The following ZFPM2 variants were observed in gnomAD, a reference collection of about 807,000 sequenced individuals.
ZFPM2 encodes zinc finger protein, FOG family member 2, also known as zinc finger protein ZFPM2.
A neutral mutation model predicts 98.6 loss-of-function variants in ZFPM2; 20 were observed. The ratio of observed to expected loss-of-function variants is 0.20; its 90% confidence interval spans 0.14 to 0.29. The LOEUF (loss-of-function observed/expected upper bound fraction) is 0.29, where lower values mean the gene tolerates loss of function less well. ZFPM2 is among the 10% of genes least tolerant of loss of function. The pLI, the probability that ZFPM2 is intolerant of heterozygous loss-of-function variation, is 1.00. For synonymous variants in ZFPM2, 518 were observed against 502.7 expected (o/e 1.03, Z -0.41); for missense variants, 1,310 against 1,388.6 (o/e 0.94, Z 0.90).
intron 5 of ZFPM2, among the ~76,000 whole-genome samples, chr8:105,783,642 T>C: frequency 6.6e-6 from 1 of 152,180 alleles, no homozygotes; most frequent in East Asian, 1.9e-4. Context: ...TCATACACTG[T>C]TTGTCTTTTT....
chr8:105,664,360 TGA>T (rs1359571742), intron 5 of ZFPM2, among the ~76,000 whole-genome samples: 2 of 144,450 alleles, frequency 1.4e-5, no homozygotes, highest in Non-Finnish European at 3.1e-5. Context: ...TGTGTGTGTG[TGA>T]CAGAGTTTCG....
intron 4 of ZFPM2, among the ~76,000 whole-genome samples, chr8:105,625,538 C>T (rs570499844): frequency 6.6e-6 from 1 of 151,872 alleles, no homozygotes; most frequent in East Asian, 1.9e-4. Flanking sequence ...TGGTACTTAA[C>T]ATTAACTGGT....
At chr8:105,436,075 G>A (rs1352443593) in intron 2 of ZFPM2, among the ~76,000 whole-genome samples, 2 of 152,084 alleles carry the variant, frequency 1.3e-5, no homozygotes, top group African/African-American at 4.8e-5. Flanking sequence ...TAAAAAGAAC[G>A]AAACTAAAAT....
intron 1 of ZFPM2, among the ~76,000 whole-genome samples, chr8:105,334,323 A>T: frequency 6.6e-6 from 1 of 151,636 alleles, no homozygotes; most frequent in East Asian, 1.9e-4. Context: ...GAATATTTTA[A>T]TATCTCTCTA....
intron 5 of ZFPM2, among the ~76,000 whole-genome samples, chr8:105,696,745 C>T (rs1429978010): frequency 1.3e-5 from 2 of 152,094 alleles, no homozygotes; most frequent in African/African-American, 4.8e-5. Context: ...TTTTGTTTTG[C>T]TGTACTGATA....
At chr8:105,491,367 G>T in intron 3 of ZFPM2, among the ~76,000 whole-genome samples, 1 of 152,002 alleles carries the variant, frequency 6.6e-6, no homozygotes, top group Middle Eastern at 3.2e-3. Context: ...CAGTGTTGTG[G>T]TATTCAATTA....
intron 5 of ZFPM2, among the ~76,000 whole-genome samples, chr8:105,651,514 C>T (rs1817175659): frequency 6.6e-6 from 1 of 151,824 alleles, no homozygotes; most frequent in African/African-American, 2.4e-5. Flanking sequence ...TATATCTACC[C>T]TTGGACATCA....
At chr8:105,623,747 A>AT (rs150555124) in intron 4 of ZFPM2, among the ~76,000 whole-genome samples, 9,991 of 151,384 alleles carry the variant, frequency 0.066, 336 homozygotes, top group Admixed American at 0.096. Flanking sequence ...TGACCACTGT[A>AT]TTTTTTTTTA....
intron 5 of ZFPM2, among the ~76,000 whole-genome samples, chr8:105,728,479 G>A (rs73700139): frequency 0.019 from 2,920 of 151,752 alleles, 106 homozygotes; most frequent in African/African-American, 0.066. Context: ...GAAAAGAGAC[G>A]ATGTTAAAGC....
At chr8:105,724,856 T>C (rs1181190743) in intron 5 of ZFPM2, among the ~76,000 whole-genome samples, 5 of 151,776 alleles carry the variant, frequency 3.3e-5, no homozygotes. Flanking sequence ...TAATTTTTTC[T>C]ATTTCTATGC....
At chr8:105,345,206 T>G (rs1394848003) in intron 1 of ZFPM2, among the ~76,000 whole-genome samples, 4 of 152,222 alleles carry the variant, frequency 2.6e-5, no homozygotes, top group African/African-American at 7.2e-5. Context: ...ATTTTGAGGA[T>G]CTTAACAGAA....
chr8:105,750,576 C>T (rs1812452665), intron 5 of ZFPM2, among the ~76,000 whole-genome samples: 2 of 151,944 alleles, frequency 1.3e-5, no homozygotes, highest in Non-Finnish European at 2.9e-5. Flanking sequence ...ATTTCTGTCT[C>T]TCACAATTTT....
At chr8:105,791,027 C>T (rs568917571) in intron 6 of ZFPM2, among the ~76,000 whole-genome samples, 4 of 152,284 alleles carry the variant, frequency 2.6e-5, no homozygotes, top group East Asian at 1.9e-4. Flanking sequence ...ACAATCATGT[C>T]GTCTGCAAAC....
intron 1 of ZFPM2, among the ~76,000 whole-genome samples, chr8:105,378,888 GTAGA>G (rs1457527541): frequency 3.3e-5 from 5 of 152,160 alleles, no homozygotes; most frequent in African/African-American, 1.2e-4. Context: ...AGGTAGGTAT[GTAGA>G]TAGATAGGTC....
intron 2 of ZFPM2, among the ~76,000 whole-genome samples, chr8:105,438,328 A>C (rs956810738): frequency 1.3e-5 from 2 of 152,204 alleles, no homozygotes; most frequent in African/African-American, 4.8e-5. Context: ...AGATGAGAGT[A>C]GTCATTTGTT....
intron 3 of ZFPM2, among the ~76,000 whole-genome samples, chr8:105,492,245 ATTGT>A (rs1268935481): frequency 6.6e-6 from 1 of 152,126 alleles, no homozygotes; most frequent in Non-Finnish European, 1.5e-5. Context: ...AACTGCATCC[ATTGT>A]TTGTGCTTTT....
At chr8:105,403,992 A>AAACAACAACAACAAC (rs58138715) in intron 1 of ZFPM2, among the ~76,000 whole-genome samples, 21 of 147,730 alleles carry the variant, frequency 1.4e-4, no homozygotes, top group East Asian at 2.0e-4. Flanking sequence ...ATTGGTGTTA[A>AAACAACAACAACAAC]AACAACAACA....
intron 1 of ZFPM2, among the ~76,000 whole-genome samples, chr8:105,391,993 C>T (rs565720795): frequency 6.6e-6 from 1 of 152,304 alleles, no homozygotes; most frequent in African/African-American, 2.4e-5. Flanking sequence ...ACAGAAATCA[C>T]TGTCTGTGGC....
chr8:105,425,918 T>C (rs1290496572), intron 2 of ZFPM2, among the ~76,000 whole-genome samples: 2 of 152,216 alleles, frequency 1.3e-5, no homozygotes, highest in Non-Finnish European at 2.9e-5. Context: ...TGATCCCATG[T>C]CAAACATCAT....
Sources: allele counts gnomAD v4.1 joint callset (sites outside exome capture counted in the v4.1 genomes callset), GRCh38; gene constraint gnomAD v4.1.1; transcripts MANE v1.5; gene names NCBI Gene and HGNC (gene_info 2026-07-23, HGNC 2026-07-21).